The following SAMMSON variants were observed in gnomAD, a reference collection of about 807,000 sequenced individuals.
The protein encoded by SAMMSON is long intergenic non-protein coding RNA 1212.
intron 3 of SAMMSON, among the ~76,000 whole-genome samples, chr3:70,042,760 A>C (rs758018638): frequency 3.9e-5 from 6 of 152,062 alleles, no homozygotes; most frequent in Non-Finnish European, 8.8e-5. Context: ...TTATGCATGA[A>C]ATTGTGCCGG....
chr3:70,015,314 A>AAAC (rs2066978545), intron 3 of SAMMSON: 1 of 151,782 alleles, frequency 6.6e-6, no homozygotes, highest in Non-Finnish European at 1.5e-5. Flanking sequence ...AACAAACAAA[A>AAAC]AAAAACCATC....
intron 3 of SAMMSON, among the ~76,000 whole-genome samples, chr3:70,033,767 A>T (rs1458722098): frequency 6.6e-6 from 1 of 152,056 alleles, no homozygotes; most frequent in Non-Finnish European, 1.5e-5. Flanking sequence ...GACTCAATGG[A>T]TTTGGGGACT....
intron 4 of SAMMSON, among the ~76,000 whole-genome samples, chr3:70,076,505 C>T (rs1397297284): frequency 6.6e-6 from 1 of 152,086 alleles, no homozygotes; most frequent in Non-Finnish European, 1.5e-5. Flanking sequence ...TTTGAAGTGA[C>T]AGTCTGTAAA....
intron 4 of SAMMSON, chr3:70,126,080 G>A: frequency 8.4e-7 from 1 of 1,197,510 alleles, no homozygotes; most frequent in Non-Finnish European, 1.2e-6. Context: ...TAGAACTTAG[G>A]CACGCTTGCC....
chr3:70,070,458 A>G (rs909297428), intron 3 of SAMMSON: 1 of 152,004 alleles, frequency 6.6e-6, no homozygotes, highest in Non-Finnish European at 1.5e-5. Context: ...TGAACAATCT[A>G]TCATTTTGTT....
chr3:70,168,203 G>T (rs544649738), intron 4 of SAMMSON, among the ~76,000 whole-genome samples: 2 of 151,864 alleles, frequency 1.3e-5, no homozygotes, highest in Non-Finnish European at 2.9e-5. Flanking sequence ...CAATCATCAC[G>T]CAGGCTAGTG....
intron 4 of SAMMSON, among the ~76,000 whole-genome samples, chr3:70,082,781 A>T (rs1004768378): frequency 5.3e-5 from 8 of 152,220 alleles, no homozygotes; most frequent in Admixed American, 1.3e-4. Flanking sequence ...TACTCTCCCA[A>T]TGGCAAATGC....
At chr3:70,316,228 G>T (rs1702493520) in intron 7 of SAMMSON, among the ~76,000 whole-genome samples, 1 of 152,130 alleles carries the variant, frequency 6.6e-6, no homozygotes, top group Non-Finnish European at 1.5e-5. Flanking sequence ...TTAAATGCAT[G>T]AAGCTAGAGC....
At chr3:70,133,977 C>T (rs1357193423) in intron 4 of SAMMSON, among the ~76,000 whole-genome samples, 1 of 151,506 alleles carries the variant, frequency 6.6e-6, no homozygotes, top group African/African-American at 2.4e-5. Flanking sequence ...GGTGCGGTGG[C>T]TTACGCCTGT....
intron 4 of SAMMSON, among the ~76,000 whole-genome samples, chr3:70,238,924 C>T (rs1701638819): frequency 6.6e-6 from 1 of 152,106 alleles, no homozygotes. Flanking sequence ...TTAGAGGATG[C>T]ATGCTGATTA....
chr3:70,065,616 G>C (rs567655860), intron 3 of SAMMSON, among the ~76,000 whole-genome samples: 1 of 152,000 alleles, frequency 6.6e-6, no homozygotes, highest in Non-Finnish European at 1.5e-5. Context: ...CTCCCTGGGG[G>C]GCTGTTGTCC....
intron 4 of SAMMSON, among the ~76,000 whole-genome samples, chr3:70,088,134 A>C (rs999786474): frequency 1.3e-5 from 2 of 152,190 alleles, no homozygotes; most frequent in East Asian, 1.9e-4. Context: ...AGGGTCTCCA[A>C]ATGCTCTAGG....
intron 3 of SAMMSON, among the ~76,000 whole-genome samples, chr3:70,032,742 G>A (rs952495139): frequency 3.3e-5 from 5 of 152,196 alleles, no homozygotes; most frequent in South Asian, 2.1e-4. Context: ...CTGCAGCAGG[G>A]TGTGTTCCTC....
chr3:70,198,615 C>T (rs1325652717), intron 4 of SAMMSON, among the ~76,000 whole-genome samples: 1 of 152,044 alleles, frequency 6.6e-6, no homozygotes, highest in East Asian at 1.9e-4. Flanking sequence ...TTTCTCTTAC[C>T]TTCCCTTCCT....
chr3:70,146,510 T>C (rs1231318742), intron 4 of SAMMSON, among the ~76,000 whole-genome samples: 1 of 151,928 alleles, frequency 6.6e-6, no homozygotes, highest in Non-Finnish European at 1.5e-5. Flanking sequence ...GGTTCAATAG[T>C]TAAAAGTCAA....
rs2066939013 is a variant in SAMMSON at position 70,008,424 on chromosome 3, C to T, written n.23-3933C>T. Among the ~76,000 whole-genome samples the T allele has an allele frequency of 3.3e-5, 5 of 152,138 alleles. No individual in the cohort carries two copies. In the South Asian group the frequency reaches 1.0e-3, roughly 32 times the overall value. On this transcript the variant is annotated intron_variant and non_coding_transcript_variant, in intron 1 of 9. Coordinates refer to ENST00000642114, the Ensembl canonical transcript of SAMMSON. ...TTTGAAGCAATTGTGAATGGGAGTT[C>T]ACTCATGATTTGGCTCTCTGTTATT...
At chr3:70,124,932 A>C in intron 4 of SAMMSON, 1 of 546,706 alleles carries the variant, frequency 1.8e-6, no homozygotes, top group Non-Finnish European at 3.2e-6. Context: ...ATTTAAAGGC[A>C]TATGTATTTA....
intron 4 of SAMMSON, among the ~76,000 whole-genome samples, chr3:70,114,576 A>G (rs2067402444): frequency 6.6e-6 from 1 of 152,244 alleles, no homozygotes; most frequent in Non-Finnish European, 1.5e-5. Context: ...GTTTTACACA[A>G]CAGTGCTTAT....
intron 2 of SAMMSON, among the ~76,000 whole-genome samples, chr3:70,433,599 G>C (rs1279915132): frequency 6.6e-6 from 1 of 151,968 alleles, no homozygotes; most frequent in Non-Finnish European, 1.5e-5. Flanking sequence ...TTCCAAGTCT[G>C]TGCTTTGTCC....
Sources: gnomAD v4.1 joint callset for allele counts (sites outside exome capture counted in the v4.1 genomes callset) on GRCh38, gnomAD v4.1.1 for gene constraint, MANE v1.5 for transcripts, NCBI Gene and HGNC (gene_info 2026-07-23, HGNC 2026-07-21) for gene names.